SPAG9: variants seen among roughly 807,000 people sequenced by gnomAD.
The protein encoded by SPAG9 is sperm associated antigen 9.
A neutral mutation model predicts 166.5 loss-of-function variants in SPAG9; 35 were observed. The observed-to-expected ratio is 0.21, with a 90% CI of 0.16 to 0.28. The LOEUF (loss-of-function observed/expected upper bound fraction) is 0.28. SPAG9 is among the 10% of genes least tolerant of loss of function. The pLI, the probability that SPAG9 is intolerant of heterozygous loss-of-function variation, is 1.00. For missense variants in SPAG9, 1,235 were observed against 1,603.3 expected (o/e 0.77, Z 3.92); for synonymous variants, 534 against 565.5 (o/e 0.94, Z 0.79).
intron 1 of SPAG9, among the ~76,000 whole-genome samples, chr17:51,090,703 G>C (rs1015417029): frequency 6.6e-6 from 1 of 152,112 alleles, no homozygotes; most frequent in African/African-American, 2.4e-5. Flanking sequence ...AAAAGATCTT[G>C]CATAATTCAA....
At chr17:51,115,247 G>A (rs998384666) in intron 1 of SPAG9, among the ~76,000 whole-genome samples, 15 of 151,988 alleles carry the variant, frequency 9.9e-5, no homozygotes, top group Admixed American at 6.6e-4. Flanking sequence ...CTGGAGTGCC[G>A]TGGCCATGAT....
At chr17:51,022,108 G>GTGCAT (rs1379477036) in intron 6 of SPAG9, among the ~76,000 whole-genome samples, 2 of 139,516 alleles carry the variant, frequency 1.4e-5, no homozygotes, top group East Asian at 4.2e-4. Context: ...CAGCAACGGA[G>GTGCAT]CTAGACTCCA....
intron 27 of SPAG9, chr17:50,975,810 A>G: frequency 2.2e-6 from 3 of 1,352,416 alleles, no homozygotes; most frequent in Non-Finnish European, 3.1e-6. Context: ...TAACAGCCTT[A>G]CAGTGGCTAT....
At chr17:51,069,935 G>A (rs752999093) in intron 2 of SPAG9, among the ~76,000 whole-genome samples, 1 of 151,954 alleles carries the variant, frequency 6.6e-6, no homozygotes, top group Admixed American at 6.6e-5. Flanking sequence ...AAGGAAGGGC[G>A]GAATTAAAGA....
At position 50,998,502 on chromosome 17, in the gene SPAG9, T is replaced by C. The variant is rs761355029; in HGVS notation, c.1780A>G (p.Ser594Gly). 1.9e-6 allele frequency: 3 copies of C among 1,614,202 alleles called. No individual in the cohort carries two copies. Among genetic ancestry groups the C allele is most frequent in the Non-Finnish European group, 2.5e-6 (3 of 1,180,000 alleles). The part of the protein sequence containing the change: ...HVTPSVKKRS[S>G]TLSQLPGDKS... ...TCCCCAGGGAGCTGAGATAAGGTGC[T>C]GCTTCTTTTCTTGACGGACGGAGTA... Residue 594 changes from serine (S) to glycine (G), a missense_variant, in exon 15 of 30, where the codon AGC (serine) becomes GGC (glycine). Ser to Gly is a moderately conservative substitution (Grantham distance 56). Transcript: ENST00000262013.
At chr17:51,109,874 G>A (rs1436759284) in intron 1 of SPAG9, among the ~76,000 whole-genome samples, 19 of 151,818 alleles carry the variant, frequency 1.3e-4, no homozygotes, top group Non-Finnish European at 1.5e-5. Flanking sequence ...ACCACACCAC[G>A]CTAATTTTTA....
In SPAG9 at chr17:50,979,453, T is replaced by G. The variant is rs79116752; in HGVS notation, c.3409+293A>C. Among the ~76,000 whole-genome samples the G allele has an allele frequency of 3.7e-3, 557 of 151,434 alleles. 4 individuals carry two copies. The highest frequency in any genetic ancestry group is 0.013 in the African/African-American group (544 of 41,278). On this transcript the variant is annotated intron_variant, in intron 26 of 29. Coordinates refer to ENST00000262013, the MANE Select transcript of SPAG9 (RefSeq NM_001130528.3). ...TTCAATGATAAAAGTTCACTACTCCTGAGATAACTTAATTCATTGGTTCTA... is the reference window on the plus strand; with the variant it reads ...TTCAATGATAAAAGTTCACTACTCCGGAGATAACTTAATTCATTGGTTCTA...
At chr17:51,089,300 TGTAATCCCA>T (rs1487447563) in intron 1 of SPAG9, among the ~76,000 whole-genome samples, 1 of 147,198 alleles carries the variant, frequency 6.8e-6, no homozygotes, top group Non-Finnish European at 1.5e-5. Context: ...GGTGGGCACC[TGTAATCCCA>T]GCTACTTGGA....
At chr17:51,041,298 T>C (rs565672362) in intron 5 of SPAG9, among the ~76,000 whole-genome samples, 1 of 152,274 alleles carries the variant, frequency 6.6e-6, no homozygotes, top group African/African-American at 2.4e-5. Context: ...AATGCTTCAC[T>C]TTTTTTCCTA....
chr17:51,042,225 A>G (rs149799396), intron 4 of SPAG9, among the ~76,000 whole-genome samples: 1 of 152,330 alleles, frequency 6.6e-6, no homozygotes, highest in Admixed American at 6.5e-5. Flanking sequence ...CAGAACCACT[A>G]TATGAGTTCC....
chr17:50,967,605 A>C (rs954297804), intron 29 of SPAG9, among the ~76,000 whole-genome samples: 2 of 152,216 alleles, frequency 1.3e-5, no homozygotes, highest in Non-Finnish European at 2.9e-5. Flanking sequence ...CAATGAAAAA[A>C]ATTAACTGGC....
At chr17:51,087,684 A>G (rs1375662070) in intron 1 of SPAG9, among the ~76,000 whole-genome samples, 2 of 152,296 alleles carry the variant, frequency 1.3e-5, no homozygotes, top group East Asian at 3.9e-4. Context: ...CTAGGTTTGT[A>G]TAGTACAAGC....
At chr17:51,017,486 GGAA>G (rs1210393340) in intron 8 of SPAG9, among the ~76,000 whole-genome samples, 1 of 151,618 alleles carries the variant, frequency 6.6e-6, no homozygotes, top group Non-Finnish European at 1.5e-5. Context: ...GTAGGATCCA[GGAA>G]GAAGAGTGGC....
At chr17:51,111,017 G>A (rs528279713) in intron 1 of SPAG9, among the ~76,000 whole-genome samples, 3 of 152,110 alleles carry the variant, frequency 2.0e-5, no homozygotes, top group South Asian at 4.1e-4. Flanking sequence ...ACGGGAGGCT[G>A]AGGCAGGAGA....
intron 5 of SPAG9, among the ~76,000 whole-genome samples, chr17:51,035,732 T>G (rs2046561015): frequency 6.6e-6 from 1 of 152,230 alleles, no homozygotes; most frequent in Non-Finnish European, 1.5e-5. Context: ...TTATGAGAAC[T>G]CTCTAAAATT....
At chr17:51,112,696 A>G (rs1180175487) in intron 1 of SPAG9, among the ~76,000 whole-genome samples, 2 of 150,334 alleles carry the variant, frequency 1.3e-5, no homozygotes, top group Admixed American at 1.3e-4. Flanking sequence ...AAAAAAAAAA[A>G]AAACTTTGGC....
chr17:51,067,216 A>G (rs894441341), intron 2 of SPAG9, among the ~76,000 whole-genome samples: 2 of 152,200 alleles, frequency 1.3e-5, no homozygotes, highest in African/African-American at 2.4e-5. Flanking sequence ...AATACTTACA[A>G]TAACTCAGTA....
intron 1 of SPAG9, among the ~76,000 whole-genome samples, chr17:51,086,384 T>C (rs2048307462): frequency 6.6e-6 from 1 of 151,908 alleles, no homozygotes; most frequent in Non-Finnish European, 1.5e-5. Flanking sequence ...CTCATTCCTG[T>C]AATCCTAGCA....
chr17:50,976,017 C>G (rs1045282961), intron 27 of SPAG9: 4 of 763,104 alleles, frequency 5.2e-6, no homozygotes, highest in African/African-American at 3.4e-5. Context: ...CTCAAAGCCC[C>G]TAACGAAAAT....
Sources: allele counts gnomAD v4.1 joint callset (sites outside exome capture counted in the v4.1 genomes callset), GRCh38; gene constraint gnomAD v4.1.1; transcripts MANE v1.5; gene names NCBI Gene and HGNC (gene_info 2026-07-23, HGNC 2026-07-21).